Variants in MBTD1 observed in about 807,000 individuals in gnomAD.
The protein encoded by MBTD1 is MBT domain-containing protein 1.
MBTD1 carries 24 observed loss-of-function variants against 87.8 expected under a neutral mutation model. The observed-to-expected ratio is 0.27, with a 90% CI of 0.20 to 0.38. The LOEUF (loss-of-function observed/expected upper bound fraction) is 0.38. Ranked by LOEUF, MBTD1 falls within the 10% of genes least tolerant of loss-of-function variation. The pLI, the probability that MBTD1 is intolerant of heterozygous loss-of-function variation, is 1.00. For missense variants in MBTD1, 436 were observed against 760.2 expected, an observed-to-expected ratio of 0.57 and a Z score of 5.02; for synonymous variants, 237 against 248.6, an observed-to-expected ratio of 0.95 and a Z score of 0.44.
chr17:51,190,267 T>A (rs1021952640), intron 16 of MBTD1, among the ~76,000 whole-genome samples: 4 of 152,212 alleles, frequency 2.6e-5, no homozygotes, highest in African/African-American at 9.6e-5. Flanking sequence ...TTACATTTTT[T>A]AAATAGCTTG....
At chr17:51,251,209 G>T (rs1476529696) in intron 2 of MBTD1, 4 of 152,188 alleles carry the variant, frequency 2.6e-5, no homozygotes, top group African/African-American at 7.2e-5. Flanking sequence ...GTTCTGTATG[G>T]ATGTGGCCTG....
At position 51,241,648 on chromosome 17, in the gene MBTD1, C is replaced by G. The variant is rs1457560887; in HGVS notation, c.-48-16439G>C. On this transcript the variant is annotated intron_variant, in intron 2 of 16. Coordinates refer to ENST00000586178, the MANE Select transcript of MBTD1 (RefSeq NM_017643.3). ...GTGCTATCCTGGCTCACTGCAACCT[C>G]CACCTCCCGGGTTTAAGCAATTCTT... Among the ~76,000 whole-genome samples the G allele has an allele frequency of 3.9e-5, 6 of 152,168 alleles. No homozygotes were observed. The East Asian group carries it at 1.2e-3, about 29-fold the overall frequency.
intron 6 of MBTD1, among the ~76,000 whole-genome samples, chr17:51,209,824 T>C (rs1018070293): frequency 1.2e-4 from 18 of 152,188 alleles, no homozygotes; most frequent in African/African-American, 3.6e-4. Flanking sequence ...ATCATCAAAA[T>C]GTCTTCAGAC....
rs1386742366 is a variant in MBTD1, at chr17:51,179,500, A to AT, written c.*1075dup. 5.1e-3 allele frequency: 297 copies of AT among 58,526 alleles called. 17 individuals carry two copies. Among genetic ancestry groups the AT allele is most frequent in the African/African-American group, 0.025 (287 of 11,436 alleles). 3.6% of individuals were successfully genotyped at this position (58,526 alleles called of 1,614,324 possible). A position where few individuals can be genotyped will look rare whatever the true frequency, so the allele number is the denominator to read the frequency against. On this transcript the variant is annotated 3_prime_UTR_variant, in exon 17 of 17. Coordinates refer to ENST00000586178, the MANE Select transcript of MBTD1 (RefSeq NM_017643.3). ...AAGACAATTTTATATATATATATAT[A>AT]TATATATATATATATATATATATAT...
chr17:51,197,046 A>C (rs1323829177), intron 12 of MBTD1, among the ~76,000 whole-genome samples: 20 of 240 alleles, frequency 0.083, 4 homozygotes, highest in Non-Finnish European at 0.16. Flanking sequence ...TACAAGATAT[A>C]TATATATATA....
chr17:51,212,357 C>A (rs372765191), intron 6 of MBTD1, among the ~76,000 whole-genome samples: 101 of 135,724 alleles, frequency 7.4e-4, no homozygotes, highest in African/African-American at 9.8e-4. Flanking sequence ...GACTCCGCCT[C>A]AAAAAAAAAA....
At position 51,199,832 on chromosome 17, in the gene MBTD1, G is replaced by GTT. The variant is rs373922249; in HGVS notation, c.1224+1758_1224+1759dup. On this transcript the variant is annotated intron_variant, in intron 12 of 16. Transcript: ENST00000586178. ...ATTGTTTTCCTTTTTCTTTTTTTCT[G>GTT]TTTTTTTTTTGAGACAGAGTCTCGC... 2.6e-4 allele frequency among the ~76,000 whole-genome samples: 38 copies of GTT among 146,378 alleles called. 1 individual carries two copies. The highest frequency in any genetic ancestry group is 7.5e-4 in the African/African-American group (30 of 39,984).
In MBTD1 at chr17:51,179,498, A is replaced by ATTTATATT. The variant is rs1334745989; in HGVS notation, c.*1077_*1078insAATATAAA. On this transcript the variant is annotated 3_prime_UTR_variant, in exon 17 of 17. Coordinates refer to ENST00000586178, the MANE Select transcript of MBTD1 (RefSeq NM_017643.3). ...TAAAGACAATTTTATATATATATAT[A>ATTTATATT]TATATATATATATATATATATATAT... 3 of 58,424 alleles carry ATTTATATT rather than the reference A, an allele frequency of 5.1e-5. No individual in the cohort carries two copies. The highest frequency in any genetic ancestry group is 7.9e-5 in the Non-Finnish European group (2 of 25,300). The allele number at this position is 58,424 out of a possible 1,614,324, so 3.6% of individuals were successfully genotyped here.
chr17:51,227,017 C>A (rs867120000), intron 2 of MBTD1, among the ~76,000 whole-genome samples: 4 of 151,708 alleles, frequency 2.6e-5, no homozygotes, highest in South Asian at 2.1e-4. Context: ...CCGAGGCAGG[C>A]GGATCACAAG....
At chr17:51,250,668 C>T (rs955669596) in intron 2 of MBTD1, 2 of 152,182 alleles carry the variant, frequency 1.3e-5, no homozygotes, top group Non-Finnish European at 2.9e-5. Context: ...TACAGTCATA[C>T]AGCTTTACTA....
intron 16 of MBTD1, chr17:51,191,672 C>G (rs2050820236): frequency 6.6e-6 from 1 of 152,464 alleles, no homozygotes; most frequent in African/African-American, 2.4e-5. Context: ...ACCTCTGCCT[C>G]CTGGGTTCAA....
chr17:51,226,812 A>G (rs137945529), intron 2 of MBTD1, among the ~76,000 whole-genome samples: 169 of 151,818 alleles, frequency 1.1e-3, no homozygotes, highest in African/African-American at 3.8e-3. Context: ...TTGTACTTTT[A>G]GTAGAGATGG....
rs767830472 is a variant in MBTD1, at chr17:51,201,601, G to A, written c.1215C>T (p.Thr405=). ...PLNLSTICVA[T]IRKVLADGFL... ...AAACCTATTATCTTACCTTTCTAAT[G>A]GTTGCGACACATATTGTAGAAAGAT... is the stretch of plus-strand genomic sequence containing the variant. Residue 405 remains threonine (T), a synonymous_variant, in exon 12 of 17, where the codon ACC becomes ACT. Coordinates refer to ENST00000586178, the MANE Select transcript of MBTD1 (RefSeq NM_017643.3). 8 of 1,594,894 alleles carry A rather than the reference G, an allele frequency of 5.0e-6. No individual in the cohort carries two copies. In the South Asian group the frequency reaches 8.9e-5, roughly 18 times the overall value.
At chr17:51,200,802 T>C (rs1363089242) in intron 12 of MBTD1, among the ~76,000 whole-genome samples, 1 of 151,460 alleles carries the variant, frequency 6.6e-6, no homozygotes, top group Non-Finnish European at 1.5e-5. Flanking sequence ...AGGCAGAGGT[T>C]GCAGTGAGCT....
At chr17:51,185,512 T>C (rs1337786844) in intron 16 of MBTD1, 1 of 152,230 alleles carries the variant, frequency 6.6e-6, no homozygotes, top group Non-Finnish European at 1.5e-5. Flanking sequence ...AATAATAAAA[T>C]GCAGGTATTG....
At chr17:51,258,286 C>T (rs998412619) in intron 2 of MBTD1, among the ~76,000 whole-genome samples, 2 of 152,080 alleles carry the variant, frequency 1.3e-5, no homozygotes, top group Non-Finnish European at 2.9e-5. Context: ...TAGGTATATC[C>T]AAGATTCTTA....
chr17:51,207,518 A>T (rs2051919896), intron 6 of MBTD1, among the ~76,000 whole-genome samples: 1 of 152,334 alleles, frequency 6.6e-6, no homozygotes, highest in Middle Eastern at 3.4e-3. Context: ...GACGTGAGGG[A>T]AAAGCACTGG....
intron 2 of MBTD1, among the ~76,000 whole-genome samples, chr17:51,246,342 T>C (rs2054433491): frequency 6.6e-6 from 1 of 152,218 alleles, no homozygotes; most frequent in Non-Finnish European, 1.5e-5. Context: ...CAGTTGCCTA[T>C]GTGGTTATCT....
At chr17:51,198,242 A>G (rs1038838735) in intron 12 of MBTD1, among the ~76,000 whole-genome samples, 2 of 152,174 alleles carry the variant, frequency 1.3e-5, no homozygotes, top group African/African-American at 4.8e-5. Context: ...GCCATCCTCT[A>G]TGGATGCTGC....
Sources: gnomAD v4.1 joint callset for allele counts (sites outside exome capture counted in the v4.1 genomes callset) on GRCh38, gnomAD v4.1.1 for gene constraint, MANE v1.5 for transcripts, NCBI Gene and HGNC (gene_info 2026-07-23, HGNC 2026-07-21) for gene names.